The following ADAMTSL1 variants were observed in gnomAD, a reference collection of about 807,000 sequenced individuals.
The protein encoded by ADAMTSL1 is ADAMTS like 1.
In ADAMTSL1, 126 loss-of-function variants were observed where a neutral mutation model predicts 201.8. The observed-to-expected ratio is 0.62, with a 90% CI of 0.54 to 0.72. The LOEUF (loss-of-function observed/expected upper bound fraction) is 0.72, where lower values mean the gene tolerates loss of function less well. Ranked by LOEUF, ADAMTSL1 falls within the 30% of genes least tolerant of loss-of-function variation. The probability of loss-of-function intolerance (pLI) is 0.00; values close to 1 mark genes in which losing one functional copy is unlikely to be tolerated. For synonymous variants in ADAMTSL1, 1,121 were observed against 903.4 expected (o/e 1.24, Z -4.32); for missense variants, 2,679 against 2,277.8 (o/e 1.18, Z -3.59).
intron 1 of ADAMTSL1, among the ~76,000 whole-genome samples, chr9:18,158,520 G>A (rs932188263): frequency 5.3e-5 from 8 of 151,898 alleles, no homozygotes; most frequent in Admixed American, 2.0e-4. Flanking sequence ...CCTACCAGGA[G>A]CAAGCTGTCA....
intron 2 of ADAMTSL1, among the ~76,000 whole-genome samples, chr9:18,468,396 T>A (rs1244873470): frequency 6.6e-6 from 1 of 152,136 alleles, no homozygotes; most frequent in Admixed American, 6.5e-5. Context: ...TTCCCAGAGT[T>A]TCATTAAATC....
At chr9:18,908,351 C>A in intron 28 of ADAMTSL1, 91 bp from the exon 29 acceptor site, 4 of 1,120,430 alleles carry the variant, frequency 3.6e-6, no homozygotes, top group African/African-American at 1.5e-5. Context: ...TGGCTGAAAC[C>A]CCCGGCTGCA....
intron 2 of ADAMTSL1, among the ~76,000 whole-genome samples, chr9:18,256,633 T>C (rs955037184): frequency 3.9e-5 from 6 of 152,216 alleles, no homozygotes; most frequent in East Asian, 1.9e-4. Flanking sequence ...GCCAGTGCTA[T>C]AGTAGGAGAG....
intron 2 of ADAMTSL1, among the ~76,000 whole-genome samples, chr9:18,206,899 C>G (rs961598785): frequency 6.6e-6 from 1 of 152,142 alleles, no homozygotes; most frequent in East Asian, 1.9e-4. Flanking sequence ...CACGGTGGCT[C>G]ACATCTGCTA....
chr9:18,341,464 A>G (rs1184547035), intron 2 of ADAMTSL1, among the ~76,000 whole-genome samples: 3 of 152,076 alleles, frequency 2.0e-5, no homozygotes, highest in Admixed American at 1.3e-4. Context: ...TTTGGAGAGC[A>G]TTTTCTGGCC....
At chr9:18,508,115 G>C (rs537670786) in intron 2 of ADAMTSL1, among the ~76,000 whole-genome samples, 1 of 151,850 alleles carries the variant, frequency 6.6e-6, no homozygotes, top group Non-Finnish European at 1.5e-5. Context: ...AACCCCAGAG[G>C]CAGAGGTTGC....
At chr9:18,046,919 C>T (rs948964951) in intron 1 of ADAMTSL1, among the ~76,000 whole-genome samples, 6 of 152,090 alleles carry the variant, frequency 3.9e-5, no homozygotes, top group Admixed American at 3.3e-4. Context: ...ACTGAATTTT[C>T]TTCTGCAGTA....
intron 2 of ADAMTSL1, among the ~76,000 whole-genome samples, chr9:18,291,482 C>T (rs1833258823): frequency 1.3e-5 from 2 of 152,128 alleles, no homozygotes; most frequent in Non-Finnish European, 2.9e-5. Flanking sequence ...CTCTTGTGCA[C>T]TGTCCTCCTC....
In ADAMTSL1 at chr9:18,355,342, C is replaced by T. The variant is rs553186953; in HGVS notation, c.208-149487C>T. Among the ~76,000 whole-genome samples the T allele has an allele frequency of 1.6e-3, 251 of 152,130 alleles. 2 individuals are homozygous for T. The highest frequency in any genetic ancestry group is 0.014 in the South Asian group (69 of 4,818). Reference sequence around the variant, plus strand: ...TTTTTTATAACAAGTCTAAAGTAGGCTACATGTAGCCTTAGCTTTTTGTTA... The same window carrying T: ...TTTTTTATAACAAGTCTAAAGTAGGTTACATGTAGCCTTAGCTTTTTGTTA... On this transcript the variant is annotated intron_variant, in intron 2 of 29. Transcript: ENST00000680146.
chr9:18,302,966 C>G (rs1833762957), intron 2 of ADAMTSL1, among the ~76,000 whole-genome samples: 1 of 152,018 alleles, frequency 6.6e-6, no homozygotes, highest in African/African-American at 2.4e-5. Flanking sequence ...AAAAGCATTT[C>G]CAGAAAGGAG....
chr9:18,862,799 C>T (rs1469595104), intron 23 of ADAMTSL1, among the ~76,000 whole-genome samples: 1 of 152,202 alleles, frequency 6.6e-6, no homozygotes, highest in Non-Finnish European at 1.5e-5. Flanking sequence ...TTCCCTCCTG[C>T]AGGCCAGGTG....
chr9:17,970,165 A>G (rs924885888), intron 1 of ADAMTSL1, among the ~76,000 whole-genome samples: 24 of 151,898 alleles, frequency 1.6e-4, no homozygotes, highest in African/African-American at 5.8e-4. Context: ...GACCATCAGT[A>G]TTTCTTATTT....
intron 1 of ADAMTSL1, among the ~76,000 whole-genome samples, chr9:17,940,708 C>T (rs113642109): frequency 5.2e-5 from 2 of 38,714 alleles, no homozygotes; most frequent in African/African-American, 2.4e-4. Flanking sequence ...ATGTGCATAA[C>T]GTGCAAAAAA....
chr9:17,994,042 C>T (rs1312290795), intron 1 of ADAMTSL1, among the ~76,000 whole-genome samples: 1 of 151,310 alleles, frequency 6.6e-6, no homozygotes, highest in Non-Finnish European at 1.5e-5. Context: ...ACAGATTGTG[C>T]TTCCCCTCAT....
intron 28 of ADAMTSL1, chr9:18,908,065 C>G (rs1181573528): frequency 7.4e-6 from 2 of 270,942 alleles, no homozygotes; most frequent in East Asian, 1.2e-4. Flanking sequence ...CTTAAAATAC[C>G]AAAACCCACG....
intron 19 of ADAMTSL1, among the ~76,000 whole-genome samples, chr9:18,780,242 G>A (rs977878028): frequency 2.3e-4 from 35 of 152,228 alleles, no homozygotes; most frequent in Middle Eastern, 3.4e-3. Flanking sequence ...CACTTTTCAC[G>A]GTCTTAGTCT....
intron 1 of ADAMTSL1, among the ~76,000 whole-genome samples, chr9:18,070,375 A>C (rs899764400): frequency 6.6e-6 from 1 of 152,168 alleles, no homozygotes; most frequent in Non-Finnish European, 1.5e-5. Flanking sequence ...GGCTGGCTGG[A>C]AAATTAACAG....
At chr9:18,500,461 G>C (rs557818600) in intron 1 of ADAMTSL1, among the ~76,000 whole-genome samples, 1 of 152,212 alleles carries the variant, frequency 6.6e-6, no homozygotes, top group African/African-American at 2.4e-5. Context: ...GGGGTTGATT[G>C]CTGAGTTTCT....
At chr9:18,297,837 T>C (rs1476160434) in intron 2 of ADAMTSL1, among the ~76,000 whole-genome samples, 1 of 152,234 alleles carries the variant, frequency 6.6e-6, no homozygotes, top group Non-Finnish European at 1.5e-5. Flanking sequence ...ATATTGTACC[T>C]AGTATTTCAG....
Sources: allele counts gnomAD v4.1 joint callset (sites outside exome capture counted in the v4.1 genomes callset), GRCh38; gene constraint gnomAD v4.1.1; transcripts MANE v1.5; gene names NCBI Gene and HGNC (gene_info 2026-07-23, HGNC 2026-07-21).